Variants in KATNIP observed in about 807,000 individuals in gnomAD.
KATNIP encodes katanin interacting protein.
Under a neutral mutation model 174.0 loss-of-function variants are expected in KATNIP, and 126 were observed. That is an observed-to-expected ratio of 0.72 (90% confidence interval 0.63 to 0.84). The LOEUF (loss-of-function observed/expected upper bound fraction) is 0.84, where lower values mean the gene tolerates loss of function less well. Ranked by LOEUF, KATNIP falls within the 40% of genes least tolerant of loss-of-function variation. The pLI is 0.00. For missense variants in KATNIP, 1,958 were observed against 2,109.7 expected (o/e 0.93, Z 1.41); for synonymous variants, 810 against 835.7 (o/e 0.97, Z 0.53).
chr16:27,632,365 A>G (rs999032665), intron 5 of KATNIP: 23 of 226,646 alleles, frequency 1.0e-4, no homozygotes, highest in Middle Eastern at 1.9e-3. Context: ...TATGCTGAAT[A>G]GGTGGCGCAA....
rs1329196244 is a variant in KATNIP, at chr16:27,677,889, GT to G, written c.702del (p.Ser234ArgfsTer64). On this transcript the variant is annotated frameshift_variant, in exon 7 of 28. Coordinates refer to ENST00000261588, the MANE Select transcript of KATNIP (RefSeq NM_015202.5). LOFTEE classifies it high-confidence loss of function. ...CCCAGACATGACCGCCCTCCTTCCA[GT>G]GGCGACTGGACTCAGAAAGATGTTC... The part of the protein sequence containing the change: ...GHPRHDRPPS[S>X]GDWTQKDVHG... The G allele has an allele frequency of 6.2e-7, 1 of 1,614,192 alleles. No individual in the cohort carries two copies.
chr16:27,745,088 G>A (rs1051135481), intron 15 of KATNIP, among the ~76,000 whole-genome samples: 3 of 152,202 alleles, frequency 2.0e-5, no homozygotes, highest in Non-Finnish European at 2.9e-5. Context: ...AGAGCATCTC[G>A]TTGAATGCCA....
intron 20 of KATNIP, among the ~76,000 whole-genome samples, chr16:27,767,370 C>G (rs1032865094): frequency 6.6e-6 from 1 of 152,192 alleles, no homozygotes; most frequent in African/African-American, 2.4e-5. Context: ...CAGGTGATCC[C>G]CAGATCTGGG....
At chr16:27,579,332 G>A (rs1363468800) in intron 2 of KATNIP, among the ~76,000 whole-genome samples, 1 of 152,188 alleles carries the variant, frequency 6.6e-6, no homozygotes, top group Non-Finnish European at 1.5e-5. Flanking sequence ...CTGAGGCCAA[G>A]CAGCTCTGCC....
At chr16:27,667,847 C>CT (rs1019001715) in intron 6 of KATNIP, among the ~76,000 whole-genome samples, 6 of 151,928 alleles carry the variant, frequency 3.9e-5, no homozygotes, top group African/African-American at 9.7e-5. Context: ...CCTCAGCAGC[C>CT]TTTTTTTTGT....
intron 2 of KATNIP, among the ~76,000 whole-genome samples, chr16:27,588,537 A>G (rs780266271): frequency 1.9e-4 from 29 of 151,082 alleles, no homozygotes; most frequent in Non-Finnish European, 3.8e-4. Context: ...GTGCAGTGGT[A>G]CAGTCACAGC....
chr16:27,564,499 A>G (rs188424757), intron 1 of KATNIP, among the ~76,000 whole-genome samples: 20 of 152,156 alleles, frequency 1.3e-4, no homozygotes, highest in Admixed American at 2.6e-4. Flanking sequence ...ATAAATAAGC[A>G]TTTCTGTATG....
At chr16:27,667,774 A>G (rs1693075850) in intron 6 of KATNIP, among the ~76,000 whole-genome samples, 1 of 152,182 alleles carries the variant, frequency 6.6e-6, no homozygotes, top group South Asian at 2.1e-4. Flanking sequence ...TTTCTGTAAA[A>G]ACTAGAACCC....
At chr16:27,703,801 A>G in intron 11 of KATNIP, 95 bp from the exon 12 acceptor site, 1 of 952,284 alleles carries the variant, frequency 1.1e-6, no homozygotes, top group Non-Finnish European at 1.7e-6. Context: ...CCTTCAAATC[A>G]TTTCCTATCC....
chr16:27,749,902 T>C lies in KATNIP; in HGVS notation c.2942T>C (p.Ile981Thr). Residue 981 changes from isoleucine (I) to threonine (T), a missense_variant, in exon 16 of 28, where the codon ATC (isoleucine) becomes ACC (threonine). Ile to Thr is a moderately conservative substitution (Grantham distance 89). Transcript: ENST00000261588. ...LPYGQRLVIDIKSTWGDRHYV... is the reference protein window; with the variant it reads ...LPYGQRLVIDTKSTWGDRHYV... Reference sequence around the variant, plus strand: ...TATGGACAGCGCTTGGTCATTGACATCAAGTCTACCTGGGGGGACAGACAC... The same window carrying C: ...TATGGACAGCGCTTGGTCATTGACACCAAGTCTACCTGGGGGGACAGACAC... 6.2e-7 allele frequency: 1 copy of C among 1,614,168 alleles called. No homozygotes were observed. The highest frequency in any genetic ancestry group is 1.3e-5 in the African/African-American group (1 of 75,042).
At chr16:27,563,770 C>A (rs930807925) in intron 1 of KATNIP, among the ~76,000 whole-genome samples, 3 of 151,602 alleles carry the variant, frequency 2.0e-5, no homozygotes, top group African/African-American at 7.3e-5. Context: ...AAAAGTTGGT[C>A]ACATGCAGTG....
chr16:27,587,260 C>T (rs1162959363), intron 2 of KATNIP, among the ~76,000 whole-genome samples: 1 of 152,144 alleles, frequency 6.6e-6, no homozygotes, highest in Admixed American at 6.5e-5. Flanking sequence ...TAAGTGTTTG[C>T]TGTTTATTAT....
intron 27 of KATNIP, 98 bp downstream of exon 27, chr16:27,778,067 T>C (rs1273737712): frequency 1.8e-5 from 19 of 1,073,762 alleles, no homozygotes; most frequent in South Asian, 2.9e-5. Context: ...CACCCCTGCC[T>C]GCCCCTAGAC....
At chr16:27,741,965 C>T (rs1250818033) in intron 15 of KATNIP, among the ~76,000 whole-genome samples, 1 of 151,626 alleles carries the variant, frequency 6.6e-6, no homozygotes, top group Non-Finnish European at 1.5e-5. Flanking sequence ...TCAAGAGAAA[C>T]CAGAAATGTT....
At chr16:27,641,805 C>T (rs574549367) in intron 5 of KATNIP, among the ~76,000 whole-genome samples, 94 of 152,192 alleles carry the variant, frequency 6.2e-4, no homozygotes, top group Non-Finnish European at 1.0e-3. Flanking sequence ...GCTGCTGGTC[C>T]GTGGACCACA....
chr16:27,777,097 T>A lies in KATNIP; in HGVS notation c.4551+68T>A. ...TTGGTAATTAGGCCGCCGGCAATTA[T>A]CATTTGTCGCAGTTTGATTTACTTC... On this transcript the variant is annotated intron_variant, in intron 25 of 27. Transcript: ENST00000261588. The surrounding 1 kb of genome is among the most constrained non-coding windows in gnomAD (Gnocchi z 4.4). 4.9e-6 allele frequency: 5 copies of A among 1,019,178 alleles called. No homozygotes were observed. Among genetic ancestry groups the A allele is most frequent in the Non-Finnish European group, 7.8e-6 (5 of 643,744 alleles). The allele number at this position is 1,019,178 out of a possible 1,614,324, so 63.1% of individuals were successfully genotyped here.
intron 1 of KATNIP, among the ~76,000 whole-genome samples, chr16:27,561,009 C>CTT (rs979221320): frequency 1.3e-5 from 2 of 148,340 alleles, no homozygotes; most frequent in Non-Finnish European, 3.0e-5. Flanking sequence ...TCCTTTTTGT[C>CTT]TTTTTTTTTT....
At chr16:27,581,534 G>C (rs569910194) in intron 2 of KATNIP, among the ~76,000 whole-genome samples, 1 of 152,308 alleles carries the variant, frequency 6.6e-6, no homozygotes, top group East Asian at 1.9e-4. Context: ...TGTCTTGTGG[G>C]GGTGAGAGGA....
At chr16:27,580,240 G>A (rs1014329407) in intron 2 of KATNIP, among the ~76,000 whole-genome samples, 2 of 152,216 alleles carry the variant, frequency 1.3e-5, no homozygotes, top group African/African-American at 4.8e-5. Context: ...AGCCTCTTGA[G>A]TAGTGGAGAC....
Sources: allele counts gnomAD v4.1 joint callset (sites outside exome capture counted in the v4.1 genomes callset), GRCh38; gene constraint gnomAD v4.1.1; non-coding constraint Gnocchi (gnomAD v3.1); transcripts MANE v1.5; gene names NCBI Gene and HGNC (gene_info 2026-07-23, HGNC 2026-07-21).